Variants in HERC1 observed in about 807,000 individuals in gnomAD.
HERC1 encodes HECT and RLD domain containing E3 ubiquitin protein ligase family member 1, also known as probable E3 ubiquitin-protein ligase HERC1.
HERC1 carries 160 observed loss-of-function variants against 554.3 expected under a neutral mutation model. The ratio of observed to expected loss-of-function variants is 0.29; its 90% CI spans 0.25 to 0.33. The LOEUF is 0.33. Ranked by LOEUF, HERC1 falls within the 10% of genes least tolerant of loss-of-function variation. The pLI is 1.00. For missense variants in HERC1, 4,919 were observed against 5,918.5 expected (o/e 0.83, Z 5.54); for synonymous variants, 2,175 against 2,131.7 (o/e 1.02, Z -0.56).
At chr15:63,658,899 AT>A (rs2070197224) in intron 47 of HERC1, among the ~76,000 whole-genome samples, 181 bp from the exon 48 acceptor site, 2 of 152,228 alleles carry the variant, frequency 1.3e-5, no homozygotes, top group Admixed American at 1.3e-4. Flanking sequence ...TTGAACTTGG[AT>A]ATTTCTAACT....
chr15:63,788,850 G>A (rs2076536574), intron 1 of HERC1, among the ~76,000 whole-genome samples: 1 of 148,506 alleles, frequency 6.7e-6, no homozygotes, highest in Non-Finnish European at 1.5e-5. Flanking sequence ...ACTCCAGCCT[G>A]GGTAACAGAG....
Position 63,645,076 on chromosome 15 carries a change from T to G in HERC1, c.11100A>C (p.Val3700=), listed in dbSNP as rs934869611. Reference sequence around the variant, plus strand: ...TATCTTGAGGAATGCGCCAAACACATACTAAGCCACTCTGACAGCCACTTA... The same window carrying G: ...TATCTTGAGGAATGCGCCAAACACAGACTAAGCCACTCTGACAGCCACTTA... ...LMATGCQSGL[V]CVWRIPQDTT... is the part of the protein sequence containing the mutation. Residue 3700 remains valine (V), a synonymous_variant, in exon 57 of 78, where the codon GTA becomes GTC. Coordinates refer to ENST00000443617, the MANE Select transcript of HERC1 (RefSeq NM_003922.4). 1.4e-5 allele frequency: 23 copies of G among 1,613,618 alleles called. No homozygotes were observed. The highest frequency in any genetic ancestry group is 1.7e-5 in the Admixed American group (1 of 59,992).
intron 17 of HERC1, among the ~76,000 whole-genome samples, chr15:63,726,013 G>T (rs572177492): frequency 2.0e-5 from 3 of 152,020 alleles, no homozygotes; most frequent in Non-Finnish European, 4.4e-5. Flanking sequence ...ACAGAGTCTC[G>T]TTCTGTCACT....
chr15:63,771,325 G>C (rs1433576491), intron 2 of HERC1, among the ~76,000 whole-genome samples: 1 of 152,052 alleles, frequency 6.6e-6, no homozygotes, highest in Non-Finnish European at 1.5e-5. Flanking sequence ...ACCAAGCTGA[G>C]ATTTAATTAA....
chr15:63,829,537 ATATG>A lies in HERC1; in HGVS notation c.-27+4286_-27+4289del, dbSNP rs1358315761. On this transcript the variant is annotated intron_variant, in intron 1 of 77. Coordinates refer to ENST00000443617, the MANE Select transcript of HERC1 (RefSeq NM_003922.4). ...ATATATAAATAATATGTGTGCACAT[ATATG>A]TATGTGTGTGTGTGTGTGTGTATAT... Among the ~76,000 whole-genome samples the A allele has an allele frequency of 2.2e-4, 16 of 72,742 alleles. No individual in the cohort carries two copies. In the East Asian group the frequency reaches 2.5e-3, roughly 11 times the overall value. The allele number at this position is 72,742 out of a possible 152,430, so 47.7% of individuals were successfully genotyped here.
chr15:63,698,318 T>C (rs1245924730), intron 26 of HERC1, among the ~76,000 whole-genome samples: 1 of 150,750 alleles, frequency 6.6e-6, no homozygotes, highest in African/African-American at 2.5e-5. Flanking sequence ...CTCTGGAGGC[T>C]GAGGCAGGAG....
rs760948152 is a variant in HERC1, at chr15:63,734,773, G to C, written c.2597C>G (p.Ser866Cys). ...TCTATCAGGTCCTTGAGGTAAAAGA[G>C]AATGAAGTAATTCCATCCGTTCTCG... ...PLRERMELLH[S>C]LLPQGPDRWE... The change falls in exon 13 of 78, where the codon TCT (serine) becomes TGT (cysteine). Residue 866 changes from serine (S) to cysteine (C), a missense_variant. Ser to Cys is a moderately radical substitution (Grantham distance 112, BLOSUM62 -1). Transcript: ENST00000443617. This position sits in a 1 kb window ranked among gnomAD's most constrained non-coding sequence, Gnocchi z 4.6. 1.3e-5 allele frequency: 20 copies of C among 1,597,550 alleles called. No individual in the cohort carries two copies. Among genetic ancestry groups the C allele is most frequent in the Non-Finnish European group, 1.7e-5 (20 of 1,174,188 alleles).
At chr15:63,642,031 T>C (rs1201556029) in intron 59 of HERC1, among the ~76,000 whole-genome samples, 2 of 152,222 alleles carry the variant, frequency 1.3e-5, no homozygotes, top group South Asian at 2.1e-4. Flanking sequence ...TGGTTTATTC[T>C]ACACAGGCCA....
At position 63,678,062 on chromosome 15, in the gene HERC1, T is replaced by C; in HGVS notation, c.6853A>G (p.Arg2285Gly). 1 of 1,614,036 alleles carries C rather than the reference T, an allele frequency of 6.2e-7. No homozygotes were observed. The highest frequency in any genetic ancestry group is 8.5e-7 in the Non-Finnish European group (1 of 1,179,892). The change falls in exon 37 of 78, where the codon AGG becomes GGG. Residue 2285 changes from arginine (R) to glycine (G), a missense_variant. Transcript: ENST00000443617. ...TCTGAGAGGTCAGCGAGGCCATGCC[T>C]AGTATGTTTACCTTTCTCTTCCTCT... ...SKEEEKGKHT[R>G]HGLADLSELQ...
At chr15:63,660,833 G>T in intron 46 of HERC1, 140 bp downstream of exon 46, 1 of 549,582 alleles carries the variant, frequency 1.8e-6, no homozygotes. Flanking sequence ...ATTCCCTTGA[G>T]TTTTTAAGGG....
At chr15:63,648,220 G>A in intron 54 of HERC1, 21 bp from the exon 55 acceptor site, 2 of 1,586,592 alleles carry the variant, frequency 1.3e-6, no homozygotes, top group Non-Finnish European at 1.7e-6. Flanking sequence ...CAAAACAAAA[G>A]AGTAAGGAAA....
chr15:63,680,189 A>T lies in HERC1; in HGVS notation c.6466-29T>A. ...CAGTGTGGCAGCAGTGAGGAAAAGAAAAAGGAAATAGAAATTTTTTTAATT... is the reference window on the plus strand; with the variant it reads ...CAGTGTGGCAGCAGTGAGGAAAAGATAAAGGAAATAGAAATTTTTTTAATT... On this transcript the variant is annotated intron_variant, in intron 35 of 77. Coordinates refer to ENST00000443617, the MANE Select transcript of HERC1 (RefSeq NM_003922.4). This position sits in a 1 kb window ranked among gnomAD's most constrained non-coding sequence, Gnocchi z 5.8. The T allele has an allele frequency of 6.4e-7, 1 of 1,556,624 alleles. No individual in the cohort carries two copies.
chr15:63,803,237 G>C (rs1412635330), intron 1 of HERC1, among the ~76,000 whole-genome samples: 1 of 152,072 alleles, frequency 6.6e-6, no homozygotes, highest in East Asian at 1.9e-4. Flanking sequence ...AAAGAAAAAA[G>C]TACTTGTATT....
chr15:63,747,161 T>A, intron 11 of HERC1, 78 bp from the exon 12 acceptor site: 2 of 1,391,042 alleles, frequency 1.4e-6, no homozygotes, highest in South Asian at 1.3e-5. Flanking sequence ...CATTTTTATA[T>A]CTTTAAAAAT....
intron 41 of HERC1, 38 bp downstream of exon 41, chr15:63,666,318 C>T (rs761966849): frequency 2.7e-6 from 4 of 1,456,076 alleles, no homozygotes; most frequent in Admixed American, 1.8e-5. Context: ...TAGGACTTCT[C>T]ATATCTGTAT....
chr15:63,699,799 A>G (rs1332432251), intron 25 of HERC1, among the ~76,000 whole-genome samples: 2 of 152,232 alleles, frequency 1.3e-5, no homozygotes, highest in Non-Finnish European at 2.9e-5. Context: ...ATGTTTGAAC[A>G]TAACAGCAAC....
chr15:63,636,002 G>T lies in HERC1; in HGVS notation c.12373C>A (p.Pro4125Thr). ...GHGNSDRQRR[P>T]RQIEALQGEE... ...CCTTGTAAGGCCTCGATCTGCCTGGGCCGCCGCTGCCTGTCGCTGTTCCCA... is the reference window on the plus strand; with the variant it reads ...CCTTGTAAGGCCTCGATCTGCCTGGTCCGCCGCTGCCTGTCGCTGTTCCCA... The change falls in exon 65 of 78, where the codon CCC becomes ACC. Residue 4125 changes from proline (P) to threonine (T), a missense_variant. This residue lies in a region of HERC1 where 122 missense variants were observed against 195.2 expected (regional missense o/e 0.63). Coordinates refer to ENST00000443617, the MANE Select transcript of HERC1 (RefSeq NM_003922.4). The T allele has an allele frequency of 6.2e-7, 1 of 1,613,918 alleles. No individual in the cohort carries two copies. Among genetic ancestry groups the T allele is most frequent in the East Asian group, 2.2e-5 (1 of 44,878 alleles).
intron 44 of HERC1, among the ~76,000 whole-genome samples, chr15:63,662,621 CA>C (rs1212596062): frequency 6.6e-6 from 1 of 152,180 alleles, no homozygotes; most frequent in East Asian, 1.9e-4. Context: ...AGGAGAAGAA[CA>C]TGCATTCAGA....
intron 1 of HERC1, among the ~76,000 whole-genome samples, chr15:63,812,199 A>T (rs1425040030): frequency 6.6e-6 from 1 of 152,232 alleles, no homozygotes; most frequent in Admixed American, 6.5e-5. Flanking sequence ...GTTTTTACAA[A>T]TTACACAGAA....
Sources: allele counts gnomAD v4.1 joint callset (sites outside exome capture counted in the v4.1 genomes callset), GRCh38; gene constraint gnomAD v4.1.1; regional missense constraint gnomAD v4.1.1; non-coding constraint Gnocchi (gnomAD v3.1); transcripts MANE v1.5; gene names NCBI Gene and HGNC (gene_info 2026-07-23, HGNC 2026-07-21).